The following NHS variants were observed in gnomAD, a reference collection of about 807,000 sequenced individuals.
NHS encodes the protein actin remodeling regulator NHS.
NHS carries 5 observed loss-of-function variants against 72.5 expected under a neutral mutation model. That is an observed-to-expected ratio of 0.07 (90% CI 0.04 to 0.14). The LOEUF is 0.14. Among genes scored for constraint, NHS ranks in the 10% least tolerant of loss-of-function variants. The pLI, the probability that NHS is intolerant of heterozygous loss-of-function variation, is 1.00. For missense variants in NHS, 1,072 were observed against 1,355.7 expected (o/e 0.79, Z 3.29); for synonymous variants, 464 against 547.7 (o/e 0.85, Z 2.13).
rs2066455694 is a variant in NHS at position 17,727,493 on chromosome X, G to A, written c.3387G>A (p.Pro1129=). ...VGETLRSNPP[P]SLAITPTILK... Reference sequence around the variant, plus strand: ...AAACACTGAGGTCGAATCCTCCACCGTCCCTTGCAATTACACCAACGATCC... The same window carrying A: ...AAACACTGAGGTCGAATCCTCCACCATCCCTTGCAATTACACCAACGATCC... Residue 1129 remains proline, a synonymous_variant, in exon 7 of 9, where the codon CCG becomes CCA. Coordinates refer to ENST00000676302, the MANE Select transcript of NHS (RefSeq NM_001291867.2). 5.8e-6 allele frequency: 7 copies of A among 1,210,903 alleles called. No individual in the cohort carries two copies. The highest frequency in any genetic ancestry group is 7.8e-6 in the Non-Finnish European group (7 of 894,896).
chrX:17,674,375 A>G (rs1415054955), intron 1 of NHS, among the ~76,000 whole-genome samples: 1 of 112,475 alleles, frequency 8.9e-6, no homozygotes, highest in African/African-American at 3.2e-5. Context: ...TTGAGCGATT[A>G]TTGAGTTTTT....
At chrX:17,407,689 C>A (rs1190488449) in intron 1 of NHS, among the ~76,000 whole-genome samples, 7 of 111,695 alleles carry the variant, frequency 6.3e-5, no homozygotes, top group Non-Finnish European at 5.6e-5. Flanking sequence ...CTTTGAATTG[C>A]ATATTAAGAC....
intron 1 of NHS, among the ~76,000 whole-genome samples, chrX:17,595,306 A>T (rs935598776): frequency 1.8e-5 from 2 of 111,664 alleles, no homozygotes; most frequent in African/African-American, 6.5e-5. Context: ...ATTCTTTGTG[A>T]GCCATCTGCT....
intron 1 of NHS, among the ~76,000 whole-genome samples, chrX:17,471,700 CTT>C (rs1449752763): frequency 8.9e-6 from 1 of 112,077 alleles, no homozygotes; most frequent in East Asian, 2.8e-4. Flanking sequence ...TTTTGGGACT[CTT>C]TTTTCCAGAT....
intron 1 of NHS, among the ~76,000 whole-genome samples, chrX:17,527,536 G>A (rs959060457): frequency 1.8e-5 from 2 of 111,829 alleles, no homozygotes; most frequent in Non-Finnish European, 3.8e-5. Flanking sequence ...AGCAGCCCCC[G>A]CCCCTCCTTG....
intron 1 of NHS, among the ~76,000 whole-genome samples, chrX:17,420,729 G>A (rs1426526272): frequency 8.9e-6 from 1 of 112,039 alleles, no homozygotes; most frequent in African/African-American, 3.2e-5. Context: ...CAAGGAGACA[G>A]ACCACATAAA....
At position 17,410,967 on chromosome X, in the gene NHS, A is replaced by G. The variant is rs1419649292; in HGVS notation, c.565+34645A>G. Among the ~76,000 whole-genome samples the G allele has an allele frequency of 2.7e-5, 3 of 111,655 alleles. No individual in the cohort carries two copies. The East Asian group carries it at 8.4e-4, about 31-fold the overall frequency. On this transcript the variant is annotated intron_variant, in intron 1 of 8. Coordinates refer to ENST00000676302, the MANE Select transcript of NHS (RefSeq NM_001291867.2). ...TGTGGTGTGGGTGGAGATACGTCCA[A>G]CTATAAAGAGAAATTATAGTTACAA...
Position 17,726,071 on chromosome X carries a change from T to G in NHS, c.1965T>G (p.Pro655=), listed in dbSNP as rs151009077. The G allele has an allele frequency of 1.2e-4, 144 of 1,210,018 alleles. No homozygotes were observed. In the African/African-American group the frequency reaches 1.9e-3, roughly 16 times the overall value. The change falls in exon 7 of 9, where the codon CCT becomes CCG. Residue 655 remains proline, a synonymous_variant. Coordinates refer to ENST00000676302, the MANE Select transcript of NHS (RefSeq NM_001291867.2). ...AAACCATCCCTCCTGCAGCTTCTCC[T>G]CCACTCACTGGCTCTTCACACTGTG... ...TSETIPPAAS[P]PLTGSSHCDS...
intron 1 of NHS, among the ~76,000 whole-genome samples, chrX:17,406,088 C>T (rs1372440418): frequency 1.8e-5 from 2 of 112,151 alleles, no homozygotes; most frequent in South Asian, 3.7e-4. Flanking sequence ...AACTTCTTAT[C>T]GTGGGTGGCT....
chrX:17,714,297 G>T (rs1345982065), intron 3 of NHS, among the ~76,000 whole-genome samples: 1 of 110,931 alleles, frequency 9.0e-6, no homozygotes, highest in Non-Finnish European at 1.9e-5. Flanking sequence ...TTCCACTGGG[G>T]CCAATTTTGA....
In NHS at chrX:17,411,768, A is replaced by G. The variant is rs113494882; in HGVS notation, c.565+35446A>G. Among the ~76,000 whole-genome samples the G allele has an allele frequency of 6.8e-3, 756 of 111,599 alleles. 3 individuals carry two copies. Among genetic ancestry groups the G allele is most frequent in the African/African-American group, 0.023 (718 of 30,708 alleles). On this transcript the variant is annotated intron_variant, in intron 1 of 8. Transcript: ENST00000676302. ...ATAACCCATGACCATATTCTGTAAGATTTTCCTTTTCCTGGCTCCCTACCC... is the reference window on the plus strand; with the variant it reads ...ATAACCCATGACCATATTCTGTAAGGTTTTCCTTTTCCTGGCTCCCTACCC...
rs748155209 is a variant in NHS, at chrX:17,393,194, C to G, written c.565+16872C>G. 8.1e-5 allele frequency among the ~76,000 whole-genome samples: 9 copies of G among 111,611 alleles called. No individual in the cohort carries two copies. In the South Asian group the frequency reaches 3.4e-3, roughly 42 times the overall value. ...TTTCTGTTGGGTTAAAAACTTCTTT[C>G]CTTGAAGTTTTACAAAACTTTGTTC... On this transcript the variant is annotated intron_variant, in intron 1 of 8. Transcript: ENST00000676302.
Position 17,580,466 on chromosome X carries a change from A to C in NHS, c.566-107276A>C, listed in dbSNP as rs1289938468. 2.7e-5 allele frequency among the ~76,000 whole-genome samples: 3 copies of C among 112,228 alleles called. No homozygotes were observed. In the Admixed American group the frequency reaches 2.8e-4, roughly 11 times the overall value. On this transcript the variant is annotated intron_variant, in intron 1 of 8. Transcript: ENST00000676302. ...GGGAGGGGGCAGAGAAGAAACAATA[A>C]ATGTAATGAATAGATAAAGTAGATA...
intron 1 of NHS, among the ~76,000 whole-genome samples, chrX:17,401,997 A>G (rs1307043416): frequency 8.9e-6 from 1 of 112,056 alleles, no homozygotes. Flanking sequence ...CAATAAAAAG[A>G]CAACCTAATT....
At chrX:17,673,231 C>T (rs34611192) in intron 1 of NHS, among the ~76,000 whole-genome samples, 1 of 96,375 alleles carries the variant, frequency 1.0e-5, no homozygotes, top group Non-Finnish European at 2.1e-5. Context: ...CACACACACA[C>T]ACACACAAGA....
intron 1 of NHS, among the ~76,000 whole-genome samples, chrX:17,433,021 G>A (rs2064701002): frequency 9.1e-6 from 1 of 110,065 alleles, no homozygotes; most frequent in Admixed American, 9.6e-5. Context: ...TCCTTCAAAT[G>A]TTATTTTTGC....
At chrX:17,543,079 G>T (rs1158346502) in intron 1 of NHS, among the ~76,000 whole-genome samples, 1 of 111,523 alleles carries the variant, frequency 9.0e-6, no homozygotes, top group Non-Finnish European at 1.9e-5. Context: ...ATAATCATCA[G>T]GAGAGTTGGT....
Position 17,381,657 on chromosome X carries a change from T to G in NHS, c.565+5335T>G, listed in dbSNP as rs2064378539. Among the ~76,000 whole-genome samples the G allele has an allele frequency of 3.5e-5, 4 of 112,986 alleles. No homozygotes were observed. In the South Asian group the frequency reaches 1.5e-3, roughly 41 times the overall value. On this transcript the variant is annotated intron_variant, in intron 1 of 8. Transcript: ENST00000676302. Reference sequence around the variant, plus strand: ...ATTCTCATTGCTGAATAAAATTCCATTGTGTGTACATACCACAATTTCTTG... The same window carrying G: ...ATTCTCATTGCTGAATAAAATTCCAGTGTGTGTACATACCACAATTTCTTG...
chrX:17,727,776 G>C lies in NHS; in HGVS notation c.3670G>C (p.Asp1224His). ...ACATTTAGAAAAAAACTCTACTTTT[G>C]ATGTGAAGAATCGCTGCGATCCAGA... is the stretch of plus-strand genomic sequence containing the variant. ...KLHLEKNSTFDVKNRCDPETI... is the reference protein window; with the variant it reads ...KLHLEKNSTFHVKNRCDPETI... The change falls in exon 7 of 9, where the codon GAT becomes CAT. Residue 1224 changes from aspartate (D) to histidine (H), a missense_variant. Asp to His is a moderately conservative substitution (Grantham distance 81, BLOSUM62 -1). Coordinates refer to ENST00000676302, the MANE Select transcript of NHS (RefSeq NM_001291867.2). The C allele has an allele frequency of 1.7e-6, 2 of 1,211,618 alleles. No individual in the cohort carries two copies. Among genetic ancestry groups the C allele is most frequent in the Non-Finnish European group, 1.1e-6 (1 of 895,479 alleles).
Sources: gnomAD v4.1 joint callset for allele counts (sites outside exome capture counted in the v4.1 genomes callset) on GRCh38, gnomAD v4.1.1 for gene constraint, MANE v1.5 for transcripts, NCBI Gene and HGNC (gene_info 2026-07-23, HGNC 2026-07-21) for gene names.